RERE: variants seen among roughly 807,000 people sequenced by gnomAD.
RERE encodes the protein arginine-glutamic acid dipeptide repeats protein.
In RERE, 40 loss-of-function variants were observed where a neutral mutation model predicts 146.1. The observed-to-expected ratio is 0.27, with a 90% CI of 0.21 to 0.36. RERE has a LOEUF of 0.36. Ranked by LOEUF, RERE falls within the 10% of genes least tolerant of loss-of-function variation. The pLI is 1.00. For missense variants in RERE, 1,933 were observed against 2,138.7 expected (o/e 0.90, Z 1.90); for synonymous variants, 1,003 against 866.0 (o/e 1.16, Z -2.78).
At chr1:8,552,917 C>A (rs1199788438) in intron 6 of RERE, among the ~76,000 whole-genome samples, 2 of 151,704 alleles carry the variant, frequency 1.3e-5, no homozygotes, top group Non-Finnish European at 2.9e-5. Flanking sequence ...TAGGCCAGTG[C>A]GTTCACACAC....
At chr1:8,552,044 A>G (rs941542958) in intron 6 of RERE, among the ~76,000 whole-genome samples, 7 of 152,258 alleles carry the variant, frequency 4.6e-5, no homozygotes, top group Admixed American at 3.9e-4. Context: ...GCTAAGGTCA[A>G]GAATTCAAAA....
chr1:8,586,366 T>C (rs991454809), intron 4 of RERE, among the ~76,000 whole-genome samples: 2 of 152,210 alleles, frequency 1.3e-5, no homozygotes, highest in Admixed American at 1.3e-4. Context: ...ACCTCGAAGA[T>C]GGCTGGCCAC....
intron 11 of RERE, among the ~76,000 whole-genome samples, chr1:8,453,735 G>A (rs1644416546): frequency 6.6e-6 from 1 of 152,142 alleles, no homozygotes; most frequent in Non-Finnish European, 1.5e-5. Context: ...GAACCCGGGA[G>A]GCAGAGGTTG....
At chr1:8,796,130 T>C (rs1174701871) in intron 1 of RERE, among the ~76,000 whole-genome samples, 1 of 151,958 alleles carries the variant, frequency 6.6e-6, no homozygotes, top group African/African-American at 2.4e-5. Context: ...TAAATAGTAT[T>C]CTGCCATAGG....
intron 7 of RERE, among the ~76,000 whole-genome samples, chr1:8,521,105 A>G (rs185102653): frequency 1.3e-5 from 2 of 150,650 alleles, no homozygotes; most frequent in Admixed American, 1.3e-4. Context: ...TGTAAGTGAG[A>G]AAGTGGCAGG....
chr1:8,467,645 A>C (rs1442267032), intron 10 of RERE, among the ~76,000 whole-genome samples: 4 of 152,016 alleles, frequency 2.6e-5, no homozygotes, highest in Non-Finnish European at 4.4e-5. Context: ...ATTTTCTTTT[A>C]TTTTTTTCTT....
chr1:8,595,779 T>C (rs1229280346), intron 4 of RERE, among the ~76,000 whole-genome samples: 2 of 152,158 alleles, frequency 1.3e-5, no homozygotes, highest in Admixed American at 6.5e-5. Context: ...GAGGGATGTA[T>C]TGGTAGAGAT....
intron 1 of RERE, among the ~76,000 whole-genome samples, chr1:8,805,649 C>CA (rs1229860670): frequency 0.082 from 4,962 of 60,170 alleles, 177 homozygotes; most frequent in African/African-American, 0.16. Flanking sequence ...GAATCCGTCT[C>CA]AAAAAAAAAA....
At chr1:8,691,649 A>G (rs1412571525) in intron 1 of RERE, among the ~76,000 whole-genome samples, 1 of 152,246 alleles carries the variant, frequency 6.6e-6, no homozygotes, top group Non-Finnish European at 1.5e-5. Flanking sequence ...AAGATCATAT[A>G]TTACACCAAT....
intron 1 of RERE, among the ~76,000 whole-genome samples, chr1:8,788,849 A>C (rs1641307695): frequency 6.6e-6 from 1 of 151,684 alleles, no homozygotes; most frequent in African/African-American, 2.4e-5. Context: ...AGCCACTGAC[A>C]AGTACAGGTG....
intron 12 of RERE, among the ~76,000 whole-genome samples, chr1:8,397,366 G>C (rs890501929): frequency 6.6e-6 from 1 of 152,122 alleles, no homozygotes; most frequent in African/African-American, 2.4e-5. Context: ...ACGACTCTGA[G>C]GGAGGTTCTA....
At chr1:8,615,156 G>T (rs896386000) in intron 3 of RERE, among the ~76,000 whole-genome samples, 1 of 152,184 alleles carries the variant, frequency 6.6e-6, no homozygotes, top group Non-Finnish European at 1.5e-5. Context: ...AGGGCATTTG[G>T]GTGGCCAAAG....
At chr1:8,723,720 A>C (rs1639905597) in intron 1 of RERE, among the ~76,000 whole-genome samples, 1 of 152,220 alleles carries the variant, frequency 6.6e-6, no homozygotes, top group Non-Finnish European at 1.5e-5. Context: ...AAAAGCTAAC[A>C]AACAGGCTGT....
intron 11 of RERE, among the ~76,000 whole-genome samples, chr1:8,449,847 G>GATC (rs1189072512): frequency 6.6e-6 from 1 of 152,182 alleles, no homozygotes; most frequent in South Asian, 2.1e-4. Context: ...TGACATGAAT[G>GATC]ATCAGTGGTA....
In RERE at chr1:8,423,465, T is replaced by G. The variant is rs1341003109; in HGVS notation, c.1204-658A>C. On this transcript the variant is annotated intron_variant, in intron 11 of 22. Coordinates refer to ENST00000400908, the MANE Select transcript of RERE (RefSeq NM_001042681.2). The surrounding 1 kb of genome is among the most constrained non-coding windows in gnomAD (Gnocchi z 5.4). ...CCCATCCATTTTCGCAGCAGACTCGTCCCTAACCCCAGCCCGGAGACTTTC... is the reference window on the plus strand; with the variant it reads ...CCCATCCATTTTCGCAGCAGACTCGGCCCTAACCCCAGCCCGGAGACTTTC... The G allele has an allele frequency of 2.3e-6, 2 of 882,304 alleles. No homozygotes were observed. The highest frequency in any genetic ancestry group is 2.4e-4 in the East Asian group (2 of 8,282). The allele number at this position is 882,304 out of a possible 1,614,324, so 54.7% of individuals were successfully genotyped here. A position where few individuals can be genotyped will look rare whatever the true frequency, so the allele number is the denominator to read the frequency against.
chr1:8,704,997 T>C (rs1188494369), intron 1 of RERE, among the ~76,000 whole-genome samples: 1 of 152,198 alleles, frequency 6.6e-6, no homozygotes, highest in Non-Finnish European at 1.5e-5. Context: ...TCCATATATG[T>C]CAGAGATGAA....
chr1:8,663,970 C>T (rs1388519967), intron 1 of RERE, among the ~76,000 whole-genome samples: 1 of 152,160 alleles, frequency 6.6e-6, no homozygotes, highest in Non-Finnish European at 1.5e-5. Flanking sequence ...CCAGACCTAC[C>T]CAGAGTCCAG....
chr1:8,789,964 T>C (rs761528589), intron 1 of RERE, among the ~76,000 whole-genome samples: 2 of 152,228 alleles, frequency 1.3e-5, no homozygotes, highest in Non-Finnish European at 2.9e-5. Context: ...ATTCCGCTTT[T>C]GTTCTAGAAA....
At chr1:8,509,887 C>T (rs887268934) in intron 7 of RERE, among the ~76,000 whole-genome samples, 1 of 152,230 alleles carries the variant, frequency 6.6e-6, no homozygotes, top group African/African-American at 2.4e-5. Flanking sequence ...TACCCATACC[C>T]ACTGTGTTTG....
Sources: allele counts gnomAD v4.1 joint callset (sites outside exome capture counted in the v4.1 genomes callset), GRCh38; gene constraint gnomAD v4.1.1; non-coding constraint Gnocchi (gnomAD v3.1); transcripts MANE v1.5; gene names NCBI Gene and HGNC (gene_info 2026-07-23, HGNC 2026-07-21).